GALNT1: variants seen among roughly 807,000 people sequenced by gnomAD.
GALNT1 encodes GalNAc transferase 1.
In GALNT1, 17 loss-of-function variants were observed where a neutral mutation model predicts 65.7. The observed-to-expected ratio is 0.26, with a 90% CI of 0.18 to 0.39. GALNT1 has a LOEUF of 0.39. GALNT1 is among the 10% of genes least tolerant of loss of function. GALNT1 has a pLI of 1.00. For missense variants in GALNT1, 460 were observed against 672.8 expected (o/e 0.68, Z 3.50); for synonymous variants, 210 against 219.7 (o/e 0.96, Z 0.39).
At chr18:35,649,145 C>T (rs574797272) in intron 1 of GALNT1, among the ~76,000 whole-genome samples, 18 of 152,182 alleles carry the variant, frequency 1.2e-4, no homozygotes, top group Non-Finnish European at 2.5e-4. Context: ...CCCCTGTTTT[C>T]CAGAGAGGCT....
intron 1 of GALNT1, among the ~76,000 whole-genome samples, chr18:35,644,395 C>T (rs982092355): frequency 6.6e-6 from 1 of 152,116 alleles, no homozygotes; most frequent in African/African-American, 2.4e-5. Context: ...AAGTATTGGC[C>T]TGAACACTTT....
chr18:35,653,010 A>G (rs1446637615), intron 1 of GALNT1, among the ~76,000 whole-genome samples: 4 of 152,228 alleles, frequency 2.6e-5, no homozygotes, highest in East Asian at 3.8e-4. Flanking sequence ...AAATGTATGT[A>G]TATAGTTTAT....
intron 1 of GALNT1, among the ~76,000 whole-genome samples, chr18:35,623,504 T>G (rs1300763515): frequency 6.6e-6 from 1 of 152,168 alleles, no homozygotes; most frequent in Non-Finnish European, 1.5e-5. Context: ...CATGTTTTGT[T>G]TTTATCCTGT....
At chr18:35,660,469 G>T (rs2047462715) in intron 2 of GALNT1, among the ~76,000 whole-genome samples, 1 of 152,028 alleles carries the variant, frequency 6.6e-6, no homozygotes, top group African/African-American at 2.4e-5. Flanking sequence ...ATAATACTTT[G>T]GAATAACACC....
intron 1 of GALNT1, among the ~76,000 whole-genome samples, chr18:35,585,935 G>A (rs1246224279): frequency 2.0e-5 from 3 of 152,206 alleles, no homozygotes; most frequent in Admixed American, 2.0e-4. Context: ...AAGCTTTTGT[G>A]TATAGGTTTT....
chr18:35,608,253 T>A (rs1270920748), intron 1 of GALNT1, among the ~76,000 whole-genome samples: 1 of 152,202 alleles, frequency 6.6e-6, no homozygotes, highest in African/African-American at 2.4e-5. Flanking sequence ...TTCTAATTGT[T>A]TGCTACTAAT....
chr18:35,626,948 A>C, intron 1 of GALNT1, among the ~76,000 whole-genome samples: 1 of 152,246 alleles, frequency 6.6e-6, no homozygotes, highest in East Asian at 1.9e-4. Flanking sequence ...GGATTTGGTC[A>C]CTTCTATTAG....
rs115101758 is a variant in GALNT1, at chr18:35,640,258, A to T, written c.-103-14302A>T. 8.2e-3 allele frequency among the ~76,000 whole-genome samples: 1,248 copies of T among 152,336 alleles called. 25 individuals carry two copies. Among genetic ancestry groups the T allele is most frequent in the African/African-American group, 0.028 (1,183 of 41,560 alleles). On this transcript the variant is annotated intron_variant, in intron 1 of 11. Coordinates refer to ENST00000269195, the MANE Select transcript of GALNT1 (RefSeq NM_020474.4). ...TGTTACCTTCCTTTTTCAATATGTT[A>T]TTAATACTAGAAATCTTCGCAAGGT...
chr18:35,581,793 G>C lies in GALNT1; in HGVS notation c.-173G>C, dbSNP rs1433570155. The C allele has an allele frequency of 3.0e-3, 2 of 670 alleles. No homozygotes were observed. The highest frequency in any genetic ancestry group is 0.027 in the Non-Finnish European group (2 of 74). The allele number at this position is 670 out of a possible 1,614,324, so 0.0% of individuals were successfully genotyped here. A position where few individuals can be genotyped will look rare whatever the true frequency, so the allele number is the denominator to read the frequency against. ...GGCCCGAGAGTAGCGCGCTGGCCGCGGGACCGGCCGCGACCGCCGCGGCCG... is the reference window on the plus strand; with the variant it reads ...GGCCCGAGAGTAGCGCGCTGGCCGCCGGACCGGCCGCGACCGCCGCGGCCG... On this transcript the variant is annotated 5_prime_UTR_variant, in exon 1 of 12. Transcript: ENST00000269195.
Position 35,709,866 on chromosome 18 carries a change from G to C in GALNT1, c.*96G>C. On this transcript the variant is annotated 3_prime_UTR_variant, in exon 12 of 12. Coordinates refer to ENST00000269195, the MANE Select transcript of GALNT1 (RefSeq NM_020474.4). ...TCTTAAGTAGCAAAAAAGGAAAAGT[G>C]CTTTCCTCCTCTGCAGGATGTAAGG... 7.3e-7 allele frequency: 1 copy of C among 1,371,992 alleles called. No individual in the cohort carries two copies. The allele number at this position is 1,371,992 out of a possible 1,614,324, so 85.0% of individuals were successfully genotyped here. A position where few individuals can be genotyped will look rare whatever the true frequency, so the allele number is the denominator to read the frequency against.
chr18:35,681,682 C>G (rs1308681528), intron 4 of GALNT1, among the ~76,000 whole-genome samples: 1 of 152,086 alleles, frequency 6.6e-6, no homozygotes, highest in Non-Finnish European at 1.5e-5. Flanking sequence ...TTATACCCTA[C>G]TGCATGAAAT....
chr18:35,625,374 G>T (rs890685204), intron 1 of GALNT1, among the ~76,000 whole-genome samples: 4 of 152,148 alleles, frequency 2.6e-5, no homozygotes, highest in African/African-American at 9.7e-5. Flanking sequence ...AGGAGAACAA[G>T]AAATGACCCT....
intron 10 of GALNT1, 62 bp from the exon 11 acceptor site, chr18:35,703,447 G>A (rs1315500414): frequency 6.9e-7 from 1 of 1,444,228 alleles, no homozygotes; most frequent in Non-Finnish European, 9.6e-7. Flanking sequence ...ACAGCTAATT[G>A]GGCATTTAAA....
Position 35,709,776 on chromosome 18 carries a change from A to G in GALNT1, c.*6A>G. On this transcript the variant is annotated 3_prime_UTR_variant, in exon 12 of 12. Coordinates refer to ENST00000269195, the MANE Select transcript of GALNT1 (RefSeq NM_020474.4). Reference sequence around the variant, plus strand: ...CCCTGCCAGAAATATTCTGAGACCAAATTTACAAAAAAACGAAAAAAATAA... The same window carrying G: ...CCCTGCCAGAAATATTCTGAGACCAGATTTACAAAAAAACGAAAAAAATAA... 1 of 1,613,820 alleles carries G rather than the reference A, an allele frequency of 6.2e-7. No individual in the cohort carries two copies. The highest frequency in any genetic ancestry group is 8.5e-7 in the Non-Finnish European group (1 of 1,179,850).
At chr18:35,654,215 T>C (rs2144389724) in intron 1 of GALNT1, among the ~76,000 whole-genome samples, 1 of 152,318 alleles carries the variant, frequency 6.6e-6, no homozygotes, top group East Asian at 1.9e-4. Context: ...GTTGTTTTAA[T>C]TTGCATTTCC....
intron 1 of GALNT1, among the ~76,000 whole-genome samples, chr18:35,631,852 A>G (rs892912467): frequency 4.6e-5 from 7 of 152,234 alleles, no homozygotes; most frequent in Non-Finnish European, 1.0e-4. Flanking sequence ...AGGCAACTTC[A>G]GCAAAGTCTC....
chr18:35,692,108 T>G, intron 8 of GALNT1, 73 bp from the exon 9 acceptor site: 2 of 1,334,996 alleles, frequency 1.5e-6, no homozygotes, highest in Admixed American at 1.9e-5. Flanking sequence ...ATCTGGCTTA[T>G]TAGATTCAAT....
chr18:35,635,651 T>C (rs2047079173), intron 1 of GALNT1, among the ~76,000 whole-genome samples: 1 of 152,232 alleles, frequency 6.6e-6, no homozygotes, highest in Non-Finnish European at 1.5e-5. Flanking sequence ...AGATATACTC[T>C]TTAGAGTATG....
intron 1 of GALNT1, among the ~76,000 whole-genome samples, chr18:35,630,046 C>A (rs1348179560): frequency 6.6e-6 from 1 of 152,176 alleles, no homozygotes; most frequent in Admixed American, 6.5e-5. Flanking sequence ...CAGCCAGATT[C>A]ATAAAGCAAG....
Sources: allele counts gnomAD v4.1 joint callset (sites outside exome capture counted in the v4.1 genomes callset), GRCh38; gene constraint gnomAD v4.1.1; transcripts MANE v1.5; gene names NCBI Gene and HGNC (gene_info 2026-07-23, HGNC 2026-07-21).